The following THSD4 variants were observed in gnomAD, a reference collection of about 807,000 sequenced individuals.
THSD4 encodes thrombospondin type-1 domain-containing protein 4.
THSD4 carries 69 observed loss-of-function variants against 119.0 expected under a neutral mutation model. The observed-to-expected ratio is 0.58, with a 90% confidence interval of 0.48 to 0.71. THSD4 has a LOEUF of 0.71. THSD4 is among the 30% of genes least tolerant of loss of function. The probability of loss-of-function intolerance (pLI) is 0.00; values close to 1 mark genes in which losing one functional copy is unlikely to be tolerated. For synonymous variants in THSD4, 524 were observed against 540.4 expected (o/e 0.97, Z 0.42); for missense variants, 1,393 against 1,391.1 (o/e 1.00, Z -0.02).
chr15:71,370,913 T>G (rs2046037258), intron 6 of THSD4, among the ~76,000 whole-genome samples: 1 of 152,230 alleles, frequency 6.6e-6, no homozygotes, highest in Non-Finnish European at 1.5e-5. Flanking sequence ...TGTGGGAGTC[T>G]AAGTCTCTTT....
chr15:71,149,579 A>G (rs1334832321), intron 2 of THSD4, among the ~76,000 whole-genome samples: 1 of 152,152 alleles, frequency 6.6e-6, no homozygotes, highest in Non-Finnish European at 1.5e-5. Context: ...AGAGTGCACT[A>G]GGCAGGATTT....
chr15:71,225,908 ACT>A (rs2044014302), intron 4 of THSD4, among the ~76,000 whole-genome samples: 2 of 151,736 alleles, frequency 1.3e-5, no homozygotes, highest in East Asian at 1.9e-4. Flanking sequence ...TGACATTGTA[ACT>A]CTTCAATTCC....
At chr15:71,184,175 C>G (rs1012751426) in intron 3 of THSD4, 1 of 151,800 alleles carries the variant, frequency 6.6e-6, no homozygotes, top group African/African-American at 2.4e-5. Flanking sequence ...AGGGGCTCCT[C>G]TTTAAAGTAT....
intron 6 of THSD4, among the ~76,000 whole-genome samples, chr15:71,369,439 A>G (rs2046012840): frequency 6.6e-6 from 1 of 152,164 alleles, no homozygotes; most frequent in Admixed American, 6.5e-5. Context: ...AGCTCTTATT[A>G]TTTTGAGATA....
chr15:71,241,213 A>G (rs1401009871), intron 4 of THSD4, among the ~76,000 whole-genome samples: 2 of 152,226 alleles, frequency 1.3e-5, no homozygotes, highest in Non-Finnish European at 2.9e-5. Flanking sequence ...TTATGGAAGC[A>G]TATAATTTTA....
chr15:71,207,164 C>T (rs2043850782), intron 3 of THSD4, among the ~76,000 whole-genome samples: 1 of 152,150 alleles, frequency 6.6e-6, no homozygotes, highest in Non-Finnish European at 1.5e-5. Flanking sequence ...GTTCATTTCC[C>T]TTAAAAAGGC....
Position 71,745,129 on chromosome 15 carries a change from T to G in THSD4, c.1930T>G (p.Cys644Gly). 1 of 1,611,902 alleles carries G rather than the reference T, an allele frequency of 6.2e-7. No individual in the cohort carries two copies. Among genetic ancestry groups the G allele is most frequent in the Non-Finnish European group, 8.5e-7 (1 of 1,179,666 alleles). Residue 644 changes from cysteine to glycine, a missense_variant, in exon 12 of 18, where the codon TGT (cysteine) becomes GGT (glycine). Transcript: ENST00000261862. ...AGGATCGCAGTACCCTATTTTCCGCTGTGTGCACAGAAGCACTCATGAAGA... is the reference window on the plus strand; with the variant it reads ...AGGATCGCAGTACCCTATTTTCCGCGGTGTGCACAGAAGCACTCATGAAGA... The part of the protein sequence containing the change: ...GKGSQYPIFR[C>G]VHRSTHEEAP...
At chr15:71,494,850 C>CTATAGAAATTATATTTCTATATAAAAA (rs2047985996) in intron 7 of THSD4, among the ~76,000 whole-genome samples, 2 of 152,200 alleles carry the variant, frequency 1.3e-5, no homozygotes, top group Non-Finnish European at 1.5e-5. Context: ...ATAAAATACC[C>CTATAGAAATTATATTTCTATATAAAAA]TAAAGATATG....
intron 7 of THSD4, among the ~76,000 whole-genome samples, chr15:71,568,464 A>T (rs1470416654): frequency 6.6e-6 from 1 of 152,094 alleles, no homozygotes; most frequent in Non-Finnish European, 1.5e-5. Flanking sequence ...CTGAATCAGG[A>T]TTCAGGACCT....
At chr15:71,310,043 C>G (rs2045089375) in intron 6 of THSD4, among the ~76,000 whole-genome samples, 1 of 152,196 alleles carries the variant, frequency 6.6e-6, no homozygotes, top group Admixed American at 6.5e-5. Flanking sequence ...AGGATGTCAG[C>G]TGACATACCA....
At chr15:71,760,676 G>A (rs1367790318) in intron 15 of THSD4, among the ~76,000 whole-genome samples, 4 of 152,186 alleles carry the variant, frequency 2.6e-5, no homozygotes, top group Non-Finnish European at 5.9e-5. Flanking sequence ...GGTCTGGATT[G>A]CATTTTATTG....
At chr15:71,587,070 G>A (rs1427886359) in intron 7 of THSD4, among the ~76,000 whole-genome samples, 1 of 151,428 alleles carries the variant, frequency 6.6e-6, no homozygotes, top group African/African-American at 2.4e-5. Context: ...AAACCACTAT[G>A]AGATATCATC....
intron 1 of THSD4, among the ~76,000 whole-genome samples, chr15:71,129,682 A>G (rs561570421): frequency 2.6e-4 from 40 of 152,282 alleles, no homozygotes; most frequent in African/African-American, 9.4e-4. Flanking sequence ...CTGGCCCATC[A>G]CAGAATTGTG....
chr15:71,652,454 G>GCT (rs2051111746), intron 7 of THSD4, among the ~76,000 whole-genome samples: 1 of 152,146 alleles, frequency 6.6e-6, no homozygotes, highest in African/African-American at 2.4e-5. Flanking sequence ...ACTGTCAAAA[G>GCT]CTATTTCAGG....
chr15:71,102,391 G>T (rs2040257193), intron 1 of THSD4, among the ~76,000 whole-genome samples: 2 of 151,898 alleles, frequency 1.3e-5, no homozygotes. Flanking sequence ...TTTTCCCACA[G>T]GCCCCTAAGG....
intron 1 of THSD4, among the ~76,000 whole-genome samples, chr15:71,140,190 G>C (rs921042703): frequency 6.6e-6 from 1 of 152,190 alleles, no homozygotes. Context: ...TTAAGACTGG[G>C]TAATTTATAG....
intron 7 of THSD4, among the ~76,000 whole-genome samples, chr15:71,520,237 C>A (rs1197838757): frequency 6.6e-6 from 1 of 152,184 alleles, no homozygotes; most frequent in Non-Finnish European, 1.5e-5. Context: ...GGAGCGTGCT[C>A]TCACTAAGGG....
intron 6 of THSD4, among the ~76,000 whole-genome samples, chr15:71,308,743 T>C (rs962992229): frequency 1.3e-5 from 2 of 152,200 alleles, no homozygotes; most frequent in Non-Finnish European, 1.5e-5. Flanking sequence ...CGTGTGGCCT[T>C]GGGTATATGC....
At chr15:71,454,020 G>T (rs1478520610) in intron 7 of THSD4, among the ~76,000 whole-genome samples, 1 of 152,208 alleles carries the variant, frequency 6.6e-6, no homozygotes, top group Non-Finnish European at 1.5e-5. Context: ...ACTTTGGGAG[G>T]CCAAGGCAGA....
Sources: allele counts gnomAD v4.1 joint callset (sites outside exome capture counted in the v4.1 genomes callset), GRCh38; gene constraint gnomAD v4.1.1; transcripts MANE v1.5; gene names NCBI Gene and HGNC (gene_info 2026-07-23, HGNC 2026-07-21).